LINGO2: variants seen among roughly 807,000 people sequenced by gnomAD.
LINGO2 encodes leucine rich repeat and Ig domain containing 2.
Under a neutral mutation model 30.6 loss-of-function variants are expected in LINGO2, and 14 were observed. That is an observed-to-expected ratio of 0.46 (90% confidence interval 0.30 to 0.72). The LOEUF is 0.72. Ranked by LOEUF, LINGO2 falls within the 30% of genes least tolerant of loss-of-function variation. LINGO2 has a pLI of 0.07. For synonymous variants in LINGO2, 317 were observed against 288.5 expected, an observed-to-expected ratio of 1.10 and a Z score of -1.00; for missense variants, 729 against 751.7, an observed-to-expected ratio of 0.97 and a Z score of 0.35.
chr9:28,258,070 A>T (rs2134033957), intron 4 of LINGO2, among the ~76,000 whole-genome samples: 1 of 152,050 alleles, frequency 6.6e-6, no homozygotes, highest in African/African-American at 2.4e-5. Context: ...GACCAACCTG[A>T]GCAGGCAGTT....
intron 1 of LINGO2, among the ~76,000 whole-genome samples, chr9:28,532,591 T>C (rs543940803): frequency 6.2e-4 from 95 of 152,240 alleles, no homozygotes; most frequent in Non-Finnish European, 7.9e-4. Context: ...CATATACTTA[T>C]TCATTTGGTG....
chr9:28,280,056 A>G lies in LINGO2; in HGVS notation c.-87+15152T>C, dbSNP rs565799380. ...CAGTGTTATAAGATGGCAGATATTT[A>G]TAACTATCTTCTGACTGATTTTTTG... On this transcript the variant is annotated intron_variant, in intron 4 of 5. Coordinates refer to ENST00000379992, the Ensembl canonical transcript of LINGO2. Among the ~76,000 whole-genome samples, 31 of 152,290 alleles carry G rather than the reference A, an allele frequency of 2.0e-4. 2 individuals carry two copies. In the South Asian group the frequency reaches 6.0e-3, roughly 29 times the overall value.
chr9:28,498,713 T>A (rs908741010), intron 1 of LINGO2, among the ~76,000 whole-genome samples: 1 of 152,132 alleles, frequency 6.6e-6, no homozygotes, highest in East Asian at 1.9e-4. Flanking sequence ...GGTACCTCAG[T>A]TGGAATTGCA....
At chr9:28,634,991 G>C (rs899823262) in intron 1 of LINGO2, among the ~76,000 whole-genome samples, 1 of 152,144 alleles carries the variant, frequency 6.6e-6, no homozygotes, top group African/African-American at 2.4e-5. Flanking sequence ...ACCATGTGTG[G>C]CTGTAAGCCT....
the LINGO2 span, among the ~76,000 whole-genome samples, chr9:29,189,216 C>T: frequency 8.4e-4 from 115 of 137,500 alleles, no homozygotes; most frequent in Middle Eastern, 5.2e-3. Context: ...CCAGTAGGGG[C>T]GGCCGGGCAG....
intron 1 of LINGO2, among the ~76,000 whole-genome samples, chr9:28,570,539 G>C (rs974883774): frequency 6.6e-6 from 1 of 151,076 alleles, no homozygotes; most frequent in Admixed American, 6.6e-5. Context: ...ATATTTGTTT[G>C]TTAGTTTTCA....
the LINGO2 span, among the ~76,000 whole-genome samples, chr9:28,782,215 T>C: frequency 1.3e-5 from 2 of 152,196 alleles, no homozygotes; most frequent in South Asian, 2.1e-4. Context: ...GACTCTTCAA[T>C]GGAGTCCTTA....
At chr9:28,455,723 G>A (rs565896215) in intron 2 of LINGO2, among the ~76,000 whole-genome samples, 30 of 152,206 alleles carry the variant, frequency 2.0e-4, no homozygotes, top group African/African-American at 7.2e-4. Flanking sequence ...ATAAGGACAG[G>A]TACAAACTAC....
At chr9:28,593,767 T>C (rs73644083) in intron 1 of LINGO2, among the ~76,000 whole-genome samples, 1,544 of 152,220 alleles carry the variant, frequency 0.01, 25 homozygotes, top group African/African-American at 0.033. Flanking sequence ...ACCACTGCAA[T>C]GTGCTTTCAC....
intron 4 of LINGO2, among the ~76,000 whole-genome samples, chr9:28,084,889 G>A (rs993471807): frequency 6.6e-6 from 1 of 152,110 alleles, no homozygotes; most frequent in Non-Finnish European, 1.5e-5. Flanking sequence ...ATGGGTGAGG[G>A]CCCTTGGAGA....
chr9:28,475,056 G>C (rs1825676739), intron 2 of LINGO2, among the ~76,000 whole-genome samples: 1 of 152,048 alleles, frequency 6.6e-6, no homozygotes, highest in Non-Finnish European at 1.5e-5. Flanking sequence ...CAGAGAGTCT[G>C]AGAAGCACTG....
At chr9:28,183,044 C>T (rs1819413817) in intron 4 of LINGO2, among the ~76,000 whole-genome samples, 1 of 152,134 alleles carries the variant, frequency 6.6e-6, no homozygotes, top group African/African-American at 2.4e-5. Flanking sequence ...ATAGCAAAGA[C>T]ATGGAAGCCA....
chr9:27,944,985 T>G (rs1823308020), downstream of LINGO2, among the ~76,000 whole-genome samples: 1 of 152,222 alleles, frequency 6.6e-6, no homozygotes, highest in Non-Finnish European at 1.5e-5. Context: ...GGGTCAAGTG[T>G]CTGCCTCCAA....
the LINGO2 span, among the ~76,000 whole-genome samples, chr9:28,854,049 G>A: frequency 1.3e-5 from 2 of 151,902 alleles, no homozygotes; most frequent in East Asian, 1.9e-4. Flanking sequence ...GTTGCATGTG[G>A]CAATGACAGG....
At chr9:28,309,588 TAAAA>T (rs954533419) in intron 3 of LINGO2, among the ~76,000 whole-genome samples, 1 of 148,288 alleles carries the variant, frequency 6.7e-6, no homozygotes, top group Non-Finnish European at 1.5e-5. Context: ...ATAATAATAA[TAAAA>T]AAAAACAAAA....
intron 4 of LINGO2, among the ~76,000 whole-genome samples, chr9:28,106,635 A>G (rs1826601977): frequency 6.6e-6 from 1 of 152,098 alleles, no homozygotes; most frequent in Non-Finnish European, 1.5e-5. Flanking sequence ...GCATCTCTTC[A>G]CAGCCTCCTC....
chr9:28,548,673 C>T (rs113271047), intron 1 of LINGO2, among the ~76,000 whole-genome samples: 1 of 130,620 alleles, frequency 7.7e-6, no homozygotes, highest in African/African-American at 2.9e-5. Flanking sequence ...CACTGCACTC[C>T]AGCCTGGCAA....
intron 2 of LINGO2, among the ~76,000 whole-genome samples, chr9:28,460,149 A>T (rs1418350922): frequency 6.6e-6 from 1 of 152,166 alleles, no homozygotes; most frequent in Non-Finnish European, 1.5e-5. Flanking sequence ...TGACACTGAC[A>T]GTATATCTGA....
rs1464789953 is a variant in LINGO2 at position 28,564,740 on chromosome 9, G to A, written c.-364-88715C>T. ...CACCAATAAACCTGCACTGTTTAAT[G>A]CAATTGTTACCGGCGATGTGTGTCA... is the stretch of plus-strand genomic sequence containing the variant. On this transcript the variant is annotated intron_variant, in intron 1 of 5. Transcript: ENST00000379992. 7.2e-5 allele frequency among the ~76,000 whole-genome samples: 11 copies of A among 152,168 alleles called. No individual in the cohort carries two copies. The East Asian group carries it at 2.1e-3, about 29-fold the overall frequency.
Sources: allele counts gnomAD v4.1 joint callset (sites outside exome capture counted in the v4.1 genomes callset), GRCh38; gene constraint gnomAD v4.1.1; transcripts MANE v1.5; gene names NCBI Gene and HGNC (gene_info 2026-07-23, HGNC 2026-07-21).